The following NPHP4 variants were observed in gnomAD, a reference collection of about 807,000 sequenced individuals.
NPHP4 encodes the protein nephrocystin-4.
In NPHP4, 151 loss-of-function variants were observed where a neutral mutation model predicts 155.8. That is an observed-to-expected ratio of 0.97 (90% CI 0.85 to 1.11). NPHP4 has a LOEUF of 1.11. NPHP4 is among the 50% of genes least tolerant of loss of function. The pLI is 0.00. For synonymous variants in NPHP4, 845 were observed against 816.8 expected, an observed-to-expected ratio of 1.03 and a Z score of -0.59; for missense variants, 1,956 against 1,925.7, an observed-to-expected ratio of 1.02 and a Z score of -0.29.
intron 23 of NPHP4, among the ~76,000 whole-genome samples, chr1:5,868,872 GC>G (rs1159813222): frequency 5.4e-5 from 5 of 91,760 alleles, no homozygotes; most frequent in South Asian, 3.5e-4. Flanking sequence ...ATGCACACAT[GC>G]CCCCACACGC....
chr1:5,922,429 C>CT (rs1030396102), intron 11 of NPHP4, among the ~76,000 whole-genome samples: 3 of 152,226 alleles, frequency 2.0e-5, no homozygotes, highest in Non-Finnish European at 4.4e-5. Flanking sequence ...TTATCTCTCT[C>CT]TGTATCAATG....
intron 21 of NPHP4, 73 bp downstream of exon 21, chr1:5,874,801 A>G: frequency 6.4e-7 from 1 of 1,553,594 alleles, no homozygotes; most frequent in Non-Finnish European, 8.9e-7. Context: ...AATTCGAGCC[A>G]GCTCAGCAGG....
rs552551867 is a variant in NPHP4, at chr1:5,940,894, TG to T, written c.1119+6209del. On this transcript the variant is annotated intron_variant, in intron 9 of 29. Transcript: ENST00000378156. ...TCTCTAAATTCAATCATAAATTTAC[TG>T]CAATCCCAATTTTTAAAATGCCAAT... Among the ~76,000 whole-genome samples, 329 of 152,346 alleles carry T rather than the reference TG, an allele frequency of 2.2e-3. 1 individual carries two copies. Among genetic ancestry groups the T allele is most frequent in the African/African-American group, 7.5e-3 (311 of 41,574 alleles).
intron 20 of NPHP4, chr1:5,876,085 G>A (rs534055278): frequency 7.9e-5 from 12 of 152,442 alleles, no homozygotes; most frequent in South Asian, 4.1e-4. Flanking sequence ...TGTGCTGGAC[G>A]ATGGGGCCAG....
At position 5,923,282 on chromosome 1, in the gene NPHP4, A is replaced by G. The variant is rs563877348; in HGVS notation, c.1441+4367T>C. Among the ~76,000 whole-genome samples the G allele has an allele frequency of 3.3e-5, 5 of 152,338 alleles. 1 individual carries two copies. The highest frequency in any genetic ancestry group is 3.3e-4 in the Admixed American group (5 of 15,298). ...GTGATCAGATTGACCCTCCCATCTA[A>G]AATACATTTTCTTTTAAACACAAAA... is the stretch of plus-strand genomic sequence containing the variant. On this transcript the variant is annotated intron_variant, in intron 11 of 29. Coordinates refer to ENST00000378156, the MANE Select transcript of NPHP4 (RefSeq NM_015102.5).
rs148813780 is a variant in NPHP4, at chr1:5,879,886, C to T, written c.2611+228G>A. Among the ~76,000 whole-genome samples the T allele has an allele frequency of 6.6e-5, 10 of 151,718 alleles. No homozygotes were observed. The South Asian group carries it at 1.3e-3, about 19-fold the overall frequency. On this transcript the variant is annotated intron_variant, in intron 19 of 29. Transcript: ENST00000378156. ...GCACACACACATGCACACACAGACA[C>T]GCACACGTGCACACATGCAGCCTTC...
At position 5,905,595 on chromosome 1, in the gene NPHP4, C is replaced by A. The variant is rs563450687; in HGVS notation, c.1763+37G>T. The A allele has an allele frequency of 5.6e-6, 9 of 1,612,116 alleles. No individual in the cohort carries two copies. The East Asian group carries it at 1.1e-4, about 20-fold the overall frequency. ...GGTCCAACAGTCTGACGGCACAGCA[C>A]GTGACTGGTTCCATCCCACCCAGAC... is the stretch of plus-strand genomic sequence containing the variant. On this transcript the variant is annotated intron_variant, in intron 14 of 29. Transcript: ENST00000378156. The surrounding 1 kb of genome is among the most constrained non-coding windows in gnomAD (Gnocchi z 4.0).
chr1:5,873,975 G>A (rs911850418), intron 22 of NPHP4: 4 of 207,432 alleles, frequency 1.9e-5, no homozygotes, highest in South Asian at 7.1e-5. Flanking sequence ...CTCACATATC[G>A]CCCCTGCACA....
rs372198590 is a variant in NPHP4, at chr1:5,905,665, T to C, written c.1730A>G (p.His577Arg). The C allele has an allele frequency of 6.2e-6, 10 of 1,613,960 alleles. No individual in the cohort carries two copies. The highest frequency in any genetic ancestry group is 3.3e-4 in the Middle Eastern group (2 of 6,062). Residue 577 changes from histidine (H) to arginine (R), a missense_variant, in exon 14 of 30, where the codon CAT (histidine) becomes CGT (arginine). Physicochemically the swap from His to Arg is conservative, Grantham distance 29. Transcript: ENST00000378156. The surrounding 1 kb of genome is among the most constrained non-coding windows in gnomAD (Gnocchi z 4.0). ...QLQELPFTPL[H>R]APIVVGTQTR... ...CTGGGTTCCCACAACAATAGGGGCATGCAAAGGCGTGAACGGCAGCTCCTG... is the reference window on the plus strand; with the variant it reads ...CTGGGTTCCCACAACAATAGGGGCACGCAAAGGCGTGAACGGCAGCTCCTG...
chr1:5,959,827 G>A (rs1203288994), intron 6 of NPHP4, among the ~76,000 whole-genome samples: 1 of 152,186 alleles, frequency 6.6e-6, no homozygotes, highest in Non-Finnish European at 1.5e-5. Context: ...ACATCTCACA[G>A]CTAGTCCCAA....
chr1:5,970,884 T>G (rs554433394), intron 3 of NPHP4, among the ~76,000 whole-genome samples: 1 of 152,282 alleles, frequency 6.6e-6, no homozygotes, highest in South Asian at 2.1e-4. Flanking sequence ...CTATTATCTT[T>G]TATTGCAATA....
At chr1:5,943,340 C>T (rs1412666534) in intron 9 of NPHP4, among the ~76,000 whole-genome samples, 2 of 152,190 alleles carry the variant, frequency 1.3e-5, no homozygotes, top group African/African-American at 2.4e-5. Flanking sequence ...TACATGCAGA[C>T]TCCAGTGCCT....
At chr1:5,973,799 T>C (rs369346373) in intron 3 of NPHP4, among the ~76,000 whole-genome samples, 1 of 152,208 alleles carries the variant, frequency 6.6e-6, no homozygotes, top group Non-Finnish European at 1.5e-5. Flanking sequence ...GTGGTTTCCA[T>C]TGTGCCAGAG....
chr1:5,901,079 G>A (rs540423725), intron 16 of NPHP4, among the ~76,000 whole-genome samples: 124 of 152,074 alleles, frequency 8.2e-4, no homozygotes, highest in African/African-American at 2.5e-3. Flanking sequence ...TCACACCAAC[G>A]CAAAATGTTA....
At chr1:5,971,205 G>T (rs1652498237) in intron 3 of NPHP4, among the ~76,000 whole-genome samples, 1 of 152,168 alleles carries the variant, frequency 6.6e-6, no homozygotes, top group South Asian at 2.1e-4. Flanking sequence ...CAAGTTTATG[G>T]CTATGCCTCT....
intron 3 of NPHP4, 148 bp downstream of exon 3, chr1:5,978,122 A>T (rs1321512759): frequency 1.4e-6 from 1 of 704,460 alleles, no homozygotes; most frequent in Non-Finnish European, 2.4e-6. Context: ...GCTTGCCGCT[A>T]GACTAAGCTC....
At chr1:5,896,459 G>A (rs1570310445) in intron 16 of NPHP4, among the ~76,000 whole-genome samples, 1 of 152,142 alleles carries the variant, frequency 6.6e-6, no homozygotes, top group Admixed American at 6.5e-5. Context: ...AGCAGGACAC[G>A]CACTGTTGAC....
At chr1:5,906,341 A>T (rs1222523950) in intron 13 of NPHP4, among the ~76,000 whole-genome samples, 2 of 152,234 alleles carry the variant, frequency 1.3e-5, no homozygotes, top group Non-Finnish European at 2.9e-5. Flanking sequence ...CAGGCCTCTC[A>T]GAGAGGAGCT....
rs1456304337 is a variant in NPHP4 at position 5,877,201 on chromosome 1, G to T, written c.2709C>A (p.Asp903Glu). The change falls in exon 20 of 30, where the codon GAC (aspartate) becomes GAA (glutamate). Residue 903 changes from aspartate (D) to glutamate (E), a missense_variant. By Grantham distance (45) the Asp-to-Glu change is conservative. Transcript: ENST00000378156. ...GGGTGGCATCCGACTCGCGGCTGAC[G>T]TCCTGGGGCCCCTTGCCCTGCCGGG... ...THARQGKGPQDVSRESDATRR... is the reference protein window; with the variant it reads ...THARQGKGPQEVSRESDATRR... The T allele has an allele frequency of 1.9e-6, 3 of 1,605,746 alleles. No individual in the cohort carries two copies. Among genetic ancestry groups the T allele is most frequent in the African/African-American group, 2.7e-5 (2 of 74,838 alleles).
Sources: allele counts gnomAD v4.1 joint callset (sites outside exome capture counted in the v4.1 genomes callset), GRCh38; gene constraint gnomAD v4.1.1; non-coding constraint Gnocchi (gnomAD v3.1); transcripts MANE v1.5; gene names NCBI Gene and HGNC (gene_info 2026-07-23, HGNC 2026-07-21).